Variants in RFLNA observed in about 807,000 individuals in gnomAD.
The protein encoded by RFLNA is refilin-A.
RFLNA carries 5 observed loss-of-function variants against 7.8 expected under a neutral mutation model. That is an observed-to-expected ratio of 0.64 (90% CI 0.34 to 1.35). The LOEUF (loss-of-function observed/expected upper bound fraction) is 1.35, where lower values mean the gene tolerates loss of function less well. Among genes scored for constraint, RFLNA ranks in the 40% most tolerant of loss-of-function variants. RFLNA has a pLI of 0.04. For missense variants in RFLNA, 278 were observed against 305.5 expected (o/e 0.91, Z 0.67); for synonymous variants, 141 against 131.3 (o/e 1.07, Z -0.50).
chr12:124,301,123 C>T (rs2034029628), intron 1 of RFLNA, among the ~76,000 whole-genome samples: 1 of 152,148 alleles, frequency 6.6e-6, no homozygotes, highest in South Asian at 2.1e-4. Flanking sequence ...CCAGGTATGT[C>T]AGGACAAGGT....
At chr12:124,308,759 G>A (rs1034433056) in intron 1 of RFLNA, among the ~76,000 whole-genome samples, 10 of 152,254 alleles carry the variant, frequency 6.6e-5, no homozygotes, top group African/African-American at 1.9e-4. Context: ...CCATTGATGG[G>A]GACGTCTTGA....
At chr12:124,308,512 A>G (rs1424158318) in intron 1 of RFLNA, among the ~76,000 whole-genome samples, 1 of 152,020 alleles carries the variant, frequency 6.6e-6, no homozygotes, top group African/African-American at 2.4e-5. Context: ...CCATGCGTTG[A>G]CCCTCGCTGC....
intron 1 of RFLNA, among the ~76,000 whole-genome samples, chr12:124,307,004 C>A (rs980087560): frequency 6.6e-6 from 1 of 152,174 alleles, no homozygotes; most frequent in Non-Finnish European, 1.5e-5. Flanking sequence ...GTCCCCACCA[C>A]CTGCTGTCCC....
chr12:124,294,067 C>G (rs1400952258), upstream of RFLNA, among the ~76,000 whole-genome samples: 1 of 152,204 alleles, frequency 6.6e-6, no homozygotes, highest in Non-Finnish European at 1.5e-5. Context: ...CTTACGCCTG[C>G]CCGTTCTGAG....
intron 2 of RFLNA, among the ~76,000 whole-genome samples, chr12:124,312,616 C>T (rs1345721564): frequency 5.9e-5 from 9 of 152,146 alleles, no homozygotes; most frequent in East Asian, 3.9e-4. Flanking sequence ...CAGCCCCTGA[C>T]AGATTGTTAG....
At chr12:124,295,755 A>G (rs2033897150) in intron 1 of RFLNA, 119 bp downstream of exon 1, 1 of 1,054,208 alleles carries the variant, frequency 9.5e-7, no homozygotes, top group African/African-American at 1.6e-5. Flanking sequence ...CTGCCCCGCA[A>G]CCACGAAGGT....
At chr12:124,310,820 C>T (rs1226784709) in intron 1 of RFLNA, among the ~76,000 whole-genome samples, 1 of 152,142 alleles carries the variant, frequency 6.6e-6, no homozygotes, top group Admixed American at 6.5e-5. Flanking sequence ...TGATGGGGCT[C>T]TTTCTGAAGG....
chr12:124,314,264 C>T lies in RFLNA; in HGVS notation c.390C>T (p.Thr130=), dbSNP rs372026151. 8.7e-6 allele frequency: 14 copies of T among 1,613,580 alleles called. No individual in the cohort carries two copies. Among genetic ancestry groups the T allele is most frequent in the African/African-American group, 5.3e-5 (4 of 74,950 alleles). Residue 130 remains threonine (T), a synonymous_variant, in exon 3 of 3, where the codon ACC becomes ACT. Transcript: ENST00000546355. ...AGGTCTTCTATGCGCCCGTACCCAC[C>T]GTCACGGCCTACAGCGAGACCATCG... The part of the protein sequence containing the change: ...QDKVFYAPVP[T]VTAYSETIVA...
chr12:124,312,066 G>A, intron 2 of RFLNA, 139 bp downstream of exon 2: 1 of 1,048,522 alleles, frequency 9.5e-7, no homozygotes, highest in Non-Finnish European at 1.3e-6. Flanking sequence ...CAGCCCCTCT[G>A]GGTGCTGCTT....
chr12:124,297,601 TG>T (rs1345901269), intron 1 of RFLNA, among the ~76,000 whole-genome samples: 5 of 152,236 alleles, frequency 3.3e-5, no homozygotes, highest in Non-Finnish European at 4.4e-5. Context: ...GCGGCTGTGC[TG>T]GGCTAGACCC....
At chr12:124,295,684 G>T (rs1221234360) in intron 1 of RFLNA, 48 bp downstream of exon 1, 2 of 1,230,950 alleles carry the variant, frequency 1.6e-6, no homozygotes, top group South Asian at 3.9e-5. Flanking sequence ...TGGGCGGGTG[G>T]GTGAGGGCTG....
At chr12:124,308,202 A>T (rs1490951028) in intron 1 of RFLNA, among the ~76,000 whole-genome samples, 1 of 152,016 alleles carries the variant, frequency 6.6e-6, no homozygotes, top group African/African-American at 2.4e-5. Flanking sequence ...GGCTAGTCTT[A>T]AACTCCTGAC....
intron 1 of RFLNA, among the ~76,000 whole-genome samples, chr12:124,309,270 A>G (rs772254310): frequency 1.4e-4 from 22 of 152,318 alleles, no homozygotes; most frequent in Admixed American, 5.2e-4. Context: ...CCTGGTGGTC[A>G]AACCCTTCTC....
intron 1 of RFLNA, among the ~76,000 whole-genome samples, chr12:124,296,098 T>TTC (rs1341195523): frequency 3.7e-4 from 2 of 5,388 alleles, no homozygotes; most frequent in Non-Finnish European, 8.9e-4. Flanking sequence ...CTTTCTTTCT[T>TTC]TCTTTCTTTC....
chr12:124,301,640 T>G (rs141236086), intron 1 of RFLNA, among the ~76,000 whole-genome samples: 7 of 152,256 alleles, frequency 4.6e-5, no homozygotes, highest in Middle Eastern at 3.4e-3. Flanking sequence ...GGGTTCGCCA[T>G]TTTTTTGTGT....
At chr12:124,300,554 G>A (rs1000925112) in intron 1 of RFLNA, among the ~76,000 whole-genome samples, 12 of 151,964 alleles carry the variant, frequency 7.9e-5, no homozygotes, top group Non-Finnish European at 1.6e-4. Flanking sequence ...TAGTGCTGGG[G>A]TTGGGAAGGA....
At chr12:124,303,953 C>T (rs1350985776) in intron 1 of RFLNA, among the ~76,000 whole-genome samples, 2 of 152,192 alleles carry the variant, frequency 1.3e-5, no homozygotes, top group Non-Finnish European at 2.9e-5. Flanking sequence ...ATGTGCCTGA[C>T]CCCTTCCCTG....
intron 1 of RFLNA, among the ~76,000 whole-genome samples, chr12:124,311,184 A>C (rs1452864732): frequency 1.3e-5 from 2 of 152,216 alleles, no homozygotes; most frequent in South Asian, 2.1e-4. Flanking sequence ...GCCCATGTCC[A>C]ATCCAGTCCT....
At chr12:124,302,857 C>G (rs969698045) in intron 1 of RFLNA, among the ~76,000 whole-genome samples, 2 of 149,726 alleles carry the variant, frequency 1.3e-5, no homozygotes, top group Non-Finnish European at 1.5e-5. Flanking sequence ...AGGTCAGGGG[C>G]CGAGGTCAGG....
Sources: gnomAD v4.1 joint callset for allele counts (sites outside exome capture counted in the v4.1 genomes callset) on GRCh38, gnomAD v4.1.1 for gene constraint, MANE v1.5 for transcripts, NCBI Gene and HGNC (gene_info 2026-07-23, HGNC 2026-07-21) for gene names.